The following CCNH variants were observed in gnomAD, a reference collection of about 807,000 sequenced individuals.
CCNH encodes cyclin H.
In CCNH, 31 loss-of-function variants were observed where a neutral mutation model predicts 41.9. That is an observed-to-expected ratio of 0.74 (90% CI 0.56 to 1.00). CCNH has a LOEUF of 1.00. Ranked by LOEUF, CCNH falls within the 50% of genes least tolerant of loss-of-function variation. The pLI is 0.00. For synonymous variants in CCNH, 138 were observed against 136.1 expected (o/e 1.01, Z -0.10); for missense variants, 362 against 388.4 (o/e 0.93, Z 0.57).
intron 5 of CCNH, among the ~76,000 whole-genome samples, chr5:87,402,862 T>C (rs1440877586): frequency 1.3e-5 from 2 of 152,210 alleles, no homozygotes; most frequent in African/African-American, 4.8e-5. Context: ...ATAAGGGTCA[T>C]AGGTTTGGTG....
rs531114230 is a variant in CCNH, at chr5:87,338,209, A to G, written c.*91-19312T>C. On this transcript the variant is annotated intron_variant and NMD_transcript_variant, in intron 9 of 9. Coordinates refer to the CCNH transcript ENST00000645953. ...TTTCTTTTATAAAAGAACTTAATTG[A>G]TAAGTACAAGAATTATAAGTGCTGT... The G allele has an allele frequency of 5.3e-6, 8 of 1,495,886 alleles. No individual in the cohort carries two copies. In the East Asian group the frequency reaches 1.9e-4, roughly 36 times the overall value. 92.7% of individuals were successfully genotyped at this position (1,495,886 alleles called of 1,614,324 possible). A position where few individuals can be genotyped will look rare whatever the true frequency, so the allele number is the denominator to read the frequency against.
intron 9 of CCNH, among the ~76,000 whole-genome samples, chr5:87,350,101 T>G (rs1469809885): frequency 6.6e-6 from 1 of 151,904 alleles, no homozygotes; most frequent in Non-Finnish European, 1.5e-5. Flanking sequence ...CTATCTGAAT[T>G]AGAATTTGTC....
chr5:87,394,895 A>C, intron 8 of CCNH, 149 bp downstream of exon 8: 1 of 1,482,480 alleles, frequency 6.7e-7, no homozygotes, highest in Non-Finnish European at 8.9e-7. Context: ...ATAATGGACA[A>C]CAGTACTGTA....
chr5:87,402,730 A>G (rs1763508082), intron 5 of CCNH, among the ~76,000 whole-genome samples: 1 of 152,062 alleles, frequency 6.6e-6, no homozygotes, highest in Non-Finnish European at 1.5e-5. Flanking sequence ...CAACTAATCC[A>G]TTTCTGGCTA....
At chr5:87,365,711 T>TA (rs1436391275) in intron 9 of CCNH, among the ~76,000 whole-genome samples, 2 of 151,990 alleles carry the variant, frequency 1.3e-5, no homozygotes, top group African/African-American at 2.4e-5. Flanking sequence ...AAAATAATTT[T>TA]AAAAAAATGT....
chr5:87,329,288 A>AAAG (rs111530651), intron 9 of CCNH, among the ~76,000 whole-genome samples: 4 of 151,894 alleles, frequency 2.6e-5, no homozygotes, highest in African/African-American at 9.7e-5. Context: ...CTCCAAAAAA[A>AAAG]AAAAAAAGCT....
chr5:87,349,260 T>A, intron 9 of CCNH: 2 of 1,612,204 alleles, frequency 1.2e-6, no homozygotes. Context: ...ATAATACTCC[T>A]GGCGATTATT....
At chr5:87,356,572 T>G (rs948808505) in intron 9 of CCNH, among the ~76,000 whole-genome samples, 3 of 152,072 alleles carry the variant, frequency 2.0e-5, no homozygotes, top group African/African-American at 7.2e-5. Context: ...TTTGTAGAGA[T>G]AGAGTCTTGC....
At chr5:87,408,568 G>A (rs1315746822) in intron 3 of CCNH, among the ~76,000 whole-genome samples, 2 of 152,178 alleles carry the variant, frequency 1.3e-5, no homozygotes, top group Non-Finnish European at 2.9e-5. Flanking sequence ...TACCATGTAA[G>A]TATGGGAAGA....
At chr5:87,346,347 A>C (rs889953779) in intron 9 of CCNH, among the ~76,000 whole-genome samples, 2 of 151,460 alleles carry the variant, frequency 1.3e-5, no homozygotes, top group African/African-American at 4.8e-5. Context: ...TATCTGTACT[A>C]CTCCTCCTTC....
At chr5:87,351,235 A>G (rs1245027937) in intron 9 of CCNH, among the ~76,000 whole-genome samples, 1 of 151,748 alleles carries the variant, frequency 6.6e-6, no homozygotes, top group Non-Finnish European at 1.5e-5. Context: ...GCAGCCATTT[A>G]TCGACTTATC....
upstream of CCNH, chr5:87,380,463 G>GT (rs1440391475): frequency 1.3e-6 from 2 of 1,514,566 alleles, no homozygotes; most frequent in Admixed American, 1.7e-5. Flanking sequence ...GGAGATCAGT[G>GT]TTTTCACTTG....
intron 9 of CCNH, chr5:87,385,471 ATT>A (rs1762002158): frequency 9.4e-7 from 1 of 1,062,494 alleles, no homozygotes; most frequent in Non-Finnish European, 1.4e-6. Flanking sequence ...GCTTAAGTAA[ATT>A]TTTAGCAGTG....
intron 7 of CCNH, among the ~76,000 whole-genome samples, chr5:87,396,655 G>A (rs1359469538): frequency 2.6e-5 from 4 of 151,506 alleles, no homozygotes; most frequent in African/African-American, 4.9e-5. Context: ...CCAGAAAATT[G>A]GGCAAAGGGG....
At chr5:87,327,075 A>G (rs936128420) in intron 9 of CCNH, among the ~76,000 whole-genome samples, 3 of 152,160 alleles carry the variant, frequency 2.0e-5, no homozygotes, top group African/African-American at 7.2e-5. Context: ...TACTGGTTTG[A>G]TATTAATTAA....
chr5:87,375,347 G>T (rs1252257148), downstream of CCNH, among the ~76,000 whole-genome samples: 1 of 147,546 alleles, frequency 6.8e-6, no homozygotes, highest in Admixed American at 6.7e-5. Flanking sequence ...TGCAACCTCC[G>T]CCTCCCAGGT....
rs3093784 is a variant in CCNH at position 87,411,449 on chromosome 5, G to A, written c.118-103C>T. 870 of 1,113,886 alleles carry A rather than the reference G, an allele frequency of 7.8e-4. 4 individuals carry two copies. The African/African-American group carries it at 0.012, about 16-fold the overall frequency. The allele number at this position is 1,113,886 out of a possible 1,614,324, so 69.0% of individuals were successfully genotyped here. A position where few individuals can be genotyped will look rare whatever the true frequency, so the allele number is the denominator to read the frequency against. On this transcript the variant is annotated intron_variant, in intron 1 of 8. Coordinates refer to ENST00000256897, the MANE Select transcript of CCNH (RefSeq NM_001239.4). ...ATTAAATTTAGTTTATATATCCAAC[G>A]AAGGGTATATATCACGCCTCATTTT...
chr5:87,361,707 C>A (rs1445265246), intron 9 of CCNH, among the ~76,000 whole-genome samples: 1 of 152,076 alleles, frequency 6.6e-6, no homozygotes, highest in Non-Finnish European at 1.5e-5. Flanking sequence ...TCCTAAAAAT[C>A]ATAGCATTAT....
At chr5:87,358,945 C>A (rs1372965618) in intron 9 of CCNH, among the ~76,000 whole-genome samples, 1 of 124,652 alleles carries the variant, frequency 8.0e-6, no homozygotes, top group Non-Finnish European at 1.8e-5. Context: ...AGCAAATTAG[C>A]AAATGACACT....
Sources: gnomAD v4.1 joint callset for allele counts (sites outside exome capture counted in the v4.1 genomes callset) on GRCh38, gnomAD v4.1.1 for gene constraint, MANE v1.5 for transcripts, NCBI Gene and HGNC (gene_info 2026-07-23, HGNC 2026-07-21) for gene names.